The following FBXL7 variants were observed in gnomAD, a reference collection of about 807,000 sequenced individuals.
FBXL7 encodes the protein F-box/LRR-repeat protein 7.
In FBXL7, 12 loss-of-function variants were observed where a neutral mutation model predicts 38.3. The ratio of observed to expected loss-of-function variants is 0.31; its 90% CI spans 0.20 to 0.51. The LOEUF (loss-of-function observed/expected upper bound fraction) is 0.51, where lower values mean the gene tolerates loss of function less well. Among genes scored for constraint, FBXL7 ranks in the 20% least tolerant of loss-of-function variants. FBXL7 has a pLI of 0.98. For synonymous variants in FBXL7, 297 were observed against 300.9 expected, an observed-to-expected ratio of 0.99 and a Z score of 0.13; for missense variants, 567 against 676.4, an observed-to-expected ratio of 0.84 and a Z score of 1.79.
chr5:15,862,187 G>C (rs1450853514), intron 2 of FBXL7, among the ~76,000 whole-genome samples: 1 of 152,114 alleles, frequency 6.6e-6, no homozygotes, highest in African/African-American at 2.4e-5. Context: ...TGAATCATGG[G>C]GGCGGTTTCC....
chr5:15,542,522 T>G (rs670272), intron 1 of FBXL7, among the ~76,000 whole-genome samples: 3,943 of 152,278 alleles, frequency 0.026, 206 homozygotes, highest in African/African-American at 0.09. Context: ...TTTTTTCCAG[T>G]ATAATTACTA....
chr5:15,628,739 A>T (rs1434059717), intron 2 of FBXL7, among the ~76,000 whole-genome samples: 2 of 152,132 alleles, frequency 1.3e-5, no homozygotes, highest in Non-Finnish European at 2.9e-5. Context: ...CTCTCTTTTG[A>T]GTATAATTTT....
intron 2 of FBXL7, among the ~76,000 whole-genome samples, chr5:15,925,956 A>G (rs1741867921): frequency 6.6e-6 from 1 of 152,188 alleles, no homozygotes; most frequent in Admixed American, 6.5e-5. Flanking sequence ...GAGATATTCA[A>G]CACTTCATTA....
intron 1 of FBXL7, among the ~76,000 whole-genome samples, chr5:15,614,278 T>C: frequency 8.7e-6 from 1 of 115,422 alleles, no homozygotes; most frequent in African/African-American, 3.0e-5. Flanking sequence ...TCTTTTCTTT[T>C]TTTTTTTTTG....
At chr5:15,697,105 G>A (rs1469740296) in intron 2 of FBXL7, among the ~76,000 whole-genome samples, 5 of 152,144 alleles carry the variant, frequency 3.3e-5, no homozygotes, top group African/African-American at 1.2e-4. Flanking sequence ...ATTATGGGAA[G>A]TTCTGATATT....
At chr5:15,882,786 A>G (rs1023906681) in intron 2 of FBXL7, among the ~76,000 whole-genome samples, 4 of 152,200 alleles carry the variant, frequency 2.6e-5, no homozygotes, top group African/African-American at 7.2e-5. Flanking sequence ...CTGAGGTCTA[A>G]TGATTGAGTT....
At chr5:15,833,620 C>T (rs931138245) in intron 2 of FBXL7, among the ~76,000 whole-genome samples, 2 of 152,198 alleles carry the variant, frequency 1.3e-5, no homozygotes, top group African/African-American at 4.8e-5. Flanking sequence ...CAAGACAAGT[C>T]TTTCCAGATT....
intron 1 of FBXL7, among the ~76,000 whole-genome samples, chr5:15,559,077 G>GT (rs1366849934): frequency 2.0e-5 from 3 of 152,200 alleles, no homozygotes; most frequent in African/African-American, 7.2e-5. Context: ...GTAGTAGTAT[G>GT]TTTGTTTGTT....
intron 2 of FBXL7, among the ~76,000 whole-genome samples, chr5:15,636,471 A>G (rs1225409663): frequency 1.3e-5 from 2 of 152,026 alleles, no homozygotes; most frequent in East Asian, 1.9e-4. Context: ...TATCTTTCAC[A>G]TTTGCATTTT....
chr5:15,562,206 A>G (rs1007497110), intron 1 of FBXL7, among the ~76,000 whole-genome samples: 4 of 152,156 alleles, frequency 2.6e-5, no homozygotes, highest in Non-Finnish European at 1.5e-5. Context: ...GGCTCCAGCA[A>G]TGATTTCATG....
In FBXL7 at chr5:15,936,501, T is replaced by C; in HGVS notation, c.791T>C (p.Leu264Pro). ...ISLTREASIK[L>P]SPLHGKQISI... Reference sequence around the variant, plus strand: ...TTGACCCGGGAGGCCTCCATTAAACTGTCACCCTTGCATGGCAAACAGATT... The same window carrying C: ...TTGACCCGGGAGGCCTCCATTAAACCGTCACCCTTGCATGGCAAACAGATT... Residue 264 changes from leucine to proline, a missense_variant, in exon 4 of 4, where the codon CTG becomes CCG. Physicochemically the swap from Leu to Pro is moderately conservative, Grantham distance 98. Coordinates refer to ENST00000504595, the MANE Select transcript of FBXL7 (RefSeq NM_012304.5). The surrounding 1 kb of genome is among the most constrained non-coding windows in gnomAD (Gnocchi z 6.0). 6.2e-7 allele frequency: 1 copy of C among 1,613,576 alleles called. No individual in the cohort carries two copies. The highest frequency in any genetic ancestry group is 8.5e-7 in the Non-Finnish European group (1 of 1,179,900).
At chr5:15,821,204 A>G (rs1361818651) in intron 2 of FBXL7, among the ~76,000 whole-genome samples, 1 of 152,222 alleles carries the variant, frequency 6.6e-6, no homozygotes, top group African/African-American at 2.4e-5. Flanking sequence ...TTTTACTTAT[A>G]CTACCTTTTC....
At chr5:15,803,592 C>A (rs1428187317) in intron 2 of FBXL7, among the ~76,000 whole-genome samples, 1 of 150,680 alleles carries the variant, frequency 6.6e-6, no homozygotes, top group East Asian at 1.9e-4. Context: ...CCCTATCTCT[C>A]TTTCTCTCTG....
Position 15,927,953 on chromosome 5 carries a change from TC to T in FBXL7, c.194del (p.Pro65GlnfsTer50). 1 of 1,570,196 alleles carries T rather than the reference TC, an allele frequency of 6.4e-7. No individual in the cohort carries two copies. The highest frequency in any genetic ancestry group is 8.6e-7 in the Non-Finnish European group (1 of 1,156,484). ...CCAGCCCTGATATGTCCACCGAATCTCCCAGGATTTCAGAATGGAAGGGGCT... is the reference window on the plus strand; with the variant it reads ...CCAGCCCTGATATGTCCACCGAATCTCCAGGATTTCAGAATGGAAGGGGCT... ...PSPALICPPN[L>X]PGFQNGRGSS... is the part of the protein sequence containing the mutation. On this transcript the variant is annotated frameshift_variant, in exon 3 of 4. Coordinates refer to ENST00000504595, the MANE Select transcript of FBXL7 (RefSeq NM_012304.5). LOFTEE classifies it high-confidence loss of function.
At chr5:15,798,266 C>T (rs1309051829) in intron 2 of FBXL7, among the ~76,000 whole-genome samples, 2 of 152,166 alleles carry the variant, frequency 1.3e-5, no homozygotes, top group Non-Finnish European at 2.9e-5. Flanking sequence ...GCCCCTCCAC[C>T]GCTCTGCTGA....
chr5:15,672,597 C>T (rs1439884590), intron 2 of FBXL7, among the ~76,000 whole-genome samples: 2 of 145,384 alleles, frequency 1.4e-5, no homozygotes, highest in Non-Finnish European at 1.5e-5. Context: ...TACTGTCGCT[C>T]AGGTTGGTGT....
chr5:15,662,223 T>G (rs763730889), intron 2 of FBXL7, among the ~76,000 whole-genome samples: 66 of 152,210 alleles, frequency 4.3e-4, no homozygotes, highest in Non-Finnish European at 8.8e-4. Flanking sequence ...TTTTGGTTTT[T>G]GATTTGCATT....
intron 1 of FBXL7, among the ~76,000 whole-genome samples, chr5:15,604,445 C>A (rs1269420154): frequency 6.6e-6 from 1 of 152,032 alleles, no homozygotes; most frequent in African/African-American, 2.4e-5. Flanking sequence ...ACTTCTACCC[C>A]CCGGGTTAAA....
At chr5:15,760,784 G>A (rs192366784) in intron 2 of FBXL7, among the ~76,000 whole-genome samples, 46 of 152,248 alleles carry the variant, frequency 3.0e-4, no homozygotes, top group Admixed American at 3.0e-3. Context: ...GATGGCAGAA[G>A]TAGTAGTAAT....
Sources: allele counts gnomAD v4.1 joint callset (sites outside exome capture counted in the v4.1 genomes callset), GRCh38; gene constraint gnomAD v4.1.1; non-coding constraint Gnocchi (gnomAD v3.1); transcripts MANE v1.5; gene names NCBI Gene and HGNC (gene_info 2026-07-23, HGNC 2026-07-21).